Variants in NPLOC4 observed in about 807,000 individuals in gnomAD.
NPLOC4 encodes the protein NPL4 homolog, ubiquitin recognition factor.
NPLOC4 carries 18 observed loss-of-function variants against 80.6 expected under a neutral mutation model. The observed-to-expected ratio is 0.22, with a 90% confidence interval of 0.15 to 0.33. The LOEUF (loss-of-function observed/expected upper bound fraction) is 0.33. Ranked by LOEUF, NPLOC4 falls within the 10% of genes least tolerant of loss-of-function variation. The pLI is 1.00. For missense variants in NPLOC4, 540 were observed against 786.1 expected (o/e 0.69, Z 3.74); for synonymous variants, 313 against 301.5 (o/e 1.04, Z -0.39).
chr17:81,609,240 A>C (rs1362384596), intron 5 of NPLOC4, among the ~76,000 whole-genome samples: 1 of 152,080 alleles, frequency 6.6e-6, no homozygotes, highest in Non-Finnish European at 1.5e-5. Flanking sequence ...GGCTGGTCTC[A>C]AACTCCTGAC....
chr17:81,619,885 A>T (rs1300502684), intron 3 of NPLOC4, among the ~76,000 whole-genome samples: 1 of 151,960 alleles, frequency 6.6e-6, no homozygotes, highest in East Asian at 1.9e-4. Context: ...TCTCAAAAAA[A>T]AAAAAAAGGT....
In NPLOC4 at chr17:81,636,999, ACCCGGCCGCGGCCTCAGC is replaced by A. The variant is rs1227749046; in HGVS notation, c.-87_-70del. 6.5e-6 allele frequency: 7 copies of A among 1,075,154 alleles called. No homozygotes were observed. The African/African-American group carries it at 8.3e-5, about 13-fold the overall frequency. The allele number at this position is 1,075,154 out of a possible 1,614,324, so 66.6% of individuals were successfully genotyped here. ...GCCTGCCGCCCCAAGGGCCTCGCAG[ACCCGGCCGCGGCCTCAGC>A]CCCGGCCCCGGCCTCCCTACGCCGC... On this transcript the variant is annotated 5_prime_UTR_variant, in exon 1 of 17. Transcript: ENST00000331134.
At chr17:81,578,217 C>T (rs1029846581) in intron 12 of NPLOC4, among the ~76,000 whole-genome samples, 1 of 152,226 alleles carries the variant, frequency 6.6e-6, no homozygotes, top group Non-Finnish European at 1.5e-5. Context: ...ACAAGCCACT[C>T]CAGCTAGACT....
chr17:81,564,109 C>CACACACACGCACACACACACACACAG, intron 16 of NPLOC4: 1 of 334,554 alleles, frequency 3.0e-6, no homozygotes, highest in Admixed American at 4.2e-5. Flanking sequence ...CACACACACA[C>CACACACACGCACACACACACACACAG]ACACACACAA....
intron 2 of NPLOC4, among the ~76,000 whole-genome samples, chr17:81,624,517 T>C (rs1479392538): frequency 6.6e-6 from 1 of 151,788 alleles, no homozygotes; most frequent in Non-Finnish European, 1.5e-5. Flanking sequence ...GAGAATCACT[T>C]CGACCTGGGA....
At chr17:81,624,245 C>G (rs905838653) in intron 2 of NPLOC4, among the ~76,000 whole-genome samples, 1 of 152,002 alleles carries the variant, frequency 6.6e-6, no homozygotes, top group Non-Finnish European at 1.5e-5. Flanking sequence ...TTGATGAAAC[C>G]CCATTTCTAC....
At chr17:81,560,477 G>C (rs1002110023) in intron 16 of NPLOC4, 1 of 152,232 alleles carries the variant, frequency 6.6e-6, no homozygotes, top group Non-Finnish European at 1.5e-5. Flanking sequence ...GGGAGGCTGA[G>C]GTGGGCAGAT....
At chr17:81,611,803 CA>C (rs1250163877) in intron 4 of NPLOC4, among the ~76,000 whole-genome samples, 2 of 150,162 alleles carry the variant, frequency 1.3e-5, no homozygotes, top group South Asian at 4.3e-4. Flanking sequence ...ACTAAAAATA[CA>C]AAAAAATTAG....
At chr17:81,611,941 C>A (rs1255282946) in intron 4 of NPLOC4, among the ~76,000 whole-genome samples, 1 of 127,142 alleles carries the variant, frequency 7.9e-6, no homozygotes, top group African/African-American at 3.1e-5. Context: ...GCCTGGGTGA[C>A]AGAGCGAGAG....
intron 2 of NPLOC4, among the ~76,000 whole-genome samples, chr17:81,625,888 C>A (rs1243980019): frequency 2.6e-5 from 4 of 151,964 alleles, no homozygotes; most frequent in Non-Finnish European, 5.9e-5. Flanking sequence ...GAGGTTCAAG[C>A]CTGTAATCCC....
chr17:81,602,959 A>G (rs2035100916), intron 8 of NPLOC4, among the ~76,000 whole-genome samples: 1 of 140,284 alleles, frequency 7.1e-6, no homozygotes, highest in African/African-American at 2.7e-5. Flanking sequence ...ACATATATAT[A>G]CACACATATA....
chr17:81,633,849 G>A (rs2035994916), intron 1 of NPLOC4, among the ~76,000 whole-genome samples: 1 of 150,880 alleles, frequency 6.6e-6, no homozygotes, highest in African/African-American at 2.4e-5. Flanking sequence ...GGGATTATAG[G>A]CGCCCGCCAC....
chr17:81,600,453 G>A (rs750432346), intron 8 of NPLOC4, 26 bp from the exon 9 acceptor site: 1 of 1,581,984 alleles, frequency 6.3e-7, no homozygotes, highest in Non-Finnish European at 8.7e-7. Context: ...GGGAGAAGAT[G>A]GACTTAGAGC....
chr17:81,592,754 C>A (rs558885980), intron 11 of NPLOC4, among the ~76,000 whole-genome samples: 2 of 152,296 alleles, frequency 1.3e-5, no homozygotes, highest in African/African-American at 4.8e-5. Flanking sequence ...GAGGCCGAGA[C>A]AGGCGGATCA....
chr17:81,612,206 C>T (rs1364187147), intron 4 of NPLOC4, among the ~76,000 whole-genome samples: 9 of 152,060 alleles, frequency 5.9e-5, no homozygotes, highest in African/African-American at 1.9e-4. Flanking sequence ...ACGAGGGCGC[C>T]GGCGGCCGTC....
chr17:81,586,567 G>A (rs962064259), intron 12 of NPLOC4, among the ~76,000 whole-genome samples: 5 of 147,872 alleles, frequency 3.4e-5, no homozygotes, highest in Non-Finnish European at 7.4e-5. Flanking sequence ...CCGAGATCGC[G>A]CCACTGTACT....
intron 4 of NPLOC4, among the ~76,000 whole-genome samples, chr17:81,611,550 A>G (rs1165715282): frequency 1.3e-5 from 2 of 151,372 alleles, no homozygotes; most frequent in Non-Finnish European, 2.9e-5. Context: ...GGATTTCACC[A>G]TATTGGTCAG....
chr17:81,594,778 A>G (rs939496396), intron 11 of NPLOC4, among the ~76,000 whole-genome samples: 6 of 105,656 alleles, frequency 5.7e-5, no homozygotes, highest in Non-Finnish European at 9.5e-5. Context: ...GTCTCTAGGG[A>G]AAAAAAAAAA....
intron 10 of NPLOC4, 131 bp from the exon 11 acceptor site, chr17:81,596,373 G>A (rs2034908718): frequency 9.9e-7 from 1 of 1,009,450 alleles, no homozygotes; most frequent in East Asian, 2.5e-5. Flanking sequence ...TTTGAGAGGT[G>A]GAGGCGGGAG....
Sources: allele counts gnomAD v4.1 joint callset (sites outside exome capture counted in the v4.1 genomes callset), GRCh38; gene constraint gnomAD v4.1.1; transcripts MANE v1.5; gene names NCBI Gene and HGNC (gene_info 2026-07-23, HGNC 2026-07-21).